RTN4R: variants seen among roughly 807,000 people sequenced by gnomAD.
RTN4R encodes reticulon-4 receptor.
In RTN4R, 4 loss-of-function variants were observed where a neutral mutation model predicts 27.7. The observed-to-expected ratio is 0.14, with a 90% CI of 0.07 to 0.33. RTN4R has a LOEUF of 0.33. RTN4R is among the 10% of genes least tolerant of loss of function. The pLI is 1.00. For missense variants in RTN4R, 554 were observed against 671.5 expected, an observed-to-expected ratio of 0.83 and a Z score of 1.93; for synonymous variants, 290 against 305.6, an observed-to-expected ratio of 0.95 and a Z score of 0.53.
At chr22:20,261,763 C>T (rs2051248827) in intron 1 of RTN4R, among the ~76,000 whole-genome samples, 1 of 152,220 alleles carries the variant, frequency 6.6e-6, no homozygotes, top group East Asian at 1.9e-4. Flanking sequence ...TGGCTTTCTG[C>T]ATCCTCAAGC....
chr22:20,242,537 C>T lies in RTN4R; in HGVS notation c.596G>A (p.Arg199His), dbSNP rs1172868287. ...RISSVPERAF[R>H]GLHSLDRLLL... is the part of the protein sequence containing the mutation. ...GAGACGGTCGAGGCTGTGCAGCCCA[C>T]GGAAGGCGCGCTCGGGCACGCTGGA... is the stretch of plus-strand genomic sequence containing the variant. Residue 199 changes from arginine to histidine, a missense_variant, in exon 2 of 2, where the codon CGT becomes CAT. Physicochemically the swap from Arg to His is conservative, Grantham distance 29. Transcript: ENST00000043402. 2.4e-5 allele frequency: 39 copies of T among 1,613,454 alleles called. No homozygotes were observed. Among genetic ancestry groups the T allele is most frequent in the Admixed American group, 6.7e-5 (4 of 60,010 alleles).
chr22:20,254,060 G>C (rs1053783795), intron 1 of RTN4R, among the ~76,000 whole-genome samples: 3 of 152,070 alleles, frequency 2.0e-5, no homozygotes, highest in African/African-American at 7.2e-5. Flanking sequence ...CCTCCACTGG[G>C]CATTCACAGT....
intron 1 of RTN4R, chr22:20,243,438 G>A (rs2051121660): frequency 1.7e-6 from 1 of 604,690 alleles, no homozygotes; most frequent in Non-Finnish European, 3.2e-6. Flanking sequence ...ACTGGTGACT[G>A]CAGGTACCTC....
In RTN4R at chr22:20,242,662, C is replaced by T; in HGVS notation, c.471G>A (p.Gln157=). The change falls in exon 2 of 2, where the codon CAG becomes CAA. Residue 157 remains glutamine, a synonymous_variant. Coordinates refer to ENST00000043402, the MANE Select transcript of RTN4R (RefSeq NM_023004.6). ...PGLFRGLAAL[Q]YLYLQDNALQ... is the part of the protein sequence containing the mutation. ...GCGCGTTGTCCTGCAGGTAGAGGTA[C>T]TGCAGGGCAGCCAGGCCGCGGAACA... is the stretch of plus-strand genomic sequence containing the variant. The T allele has an allele frequency of 1.2e-6, 2 of 1,612,548 alleles. No homozygotes were observed. The highest frequency in any genetic ancestry group is 1.1e-5 in the South Asian group (1 of 91,050).
rs1485520368 is a variant in RTN4R, at chr22:20,255,716, C to T, written c.22+12355G>A. 6.6e-6 allele frequency among the ~76,000 whole-genome samples: 1 copy of T among 152,108 alleles called. No homozygotes were observed. Among genetic ancestry groups the T allele is most frequent in the African/African-American group, 2.4e-5 (1 of 41,432 alleles). On this transcript the variant is annotated intron_variant, in intron 1 of 1. Transcript: ENST00000043402. The surrounding 1 kb of genome is among the most constrained non-coding windows in gnomAD (Gnocchi z 4.8). ...TTACCCCTGCCCGCTCCTGTCCCCT[C>T]CTTGTCACAGATCTGAGCCCCCCAC...
chr22:20,248,320 G>A (rs746845776), intron 1 of RTN4R, among the ~76,000 whole-genome samples: 3 of 152,112 alleles, frequency 2.0e-5, no homozygotes, highest in Non-Finnish European at 1.5e-5. Flanking sequence ...CCAGGGGTGC[G>A]AAAAGGTCTT....
chr22:20,245,786 C>T (rs973998702), intron 1 of RTN4R, among the ~76,000 whole-genome samples: 9 of 152,196 alleles, frequency 5.9e-5, no homozygotes, highest in Non-Finnish European at 1.0e-4. Context: ...CCACTCTCAC[C>T]CAGTCTCACC....
chr22:20,260,635 C>CG (rs1006850555), intron 1 of RTN4R, among the ~76,000 whole-genome samples: 10 of 152,168 alleles, frequency 6.6e-5, no homozygotes, highest in African/African-American at 2.2e-4. Context: ...GGGCCACGCC[C>CG]GGGGGCAGGT....
intron 1 of RTN4R, among the ~76,000 whole-genome samples, chr22:20,247,495 C>T (rs2051148753): frequency 7.1e-6 from 1 of 140,062 alleles, no homozygotes; most frequent in African/African-American, 2.6e-5. Flanking sequence ...CCATCTGTCC[C>T]CCGATCCTCG....
chr22:20,251,471 T>G (rs1372612402), intron 1 of RTN4R, among the ~76,000 whole-genome samples: 1 of 150,632 alleles, frequency 6.6e-6, no homozygotes, highest in Non-Finnish European at 1.5e-5. Context: ...GCATTTTCTG[T>G]CCTTGTTATC....
At chr22:20,251,896 A>ATCC (rs1425413662) in intron 1 of RTN4R, among the ~76,000 whole-genome samples, 41 of 232 alleles carry the variant, frequency 0.18, 2 homozygotes, top group Non-Finnish European at 0.22. Context: ...TATCACCACC[A>ATCC]TCATCATCAC....
chr22:20,259,101 C>T (rs771945944), intron 1 of RTN4R, among the ~76,000 whole-genome samples: 27 of 152,018 alleles, frequency 1.8e-4, no homozygotes, highest in African/African-American at 3.4e-4. Context: ...GTGGGCAGCT[C>T]GGGGTTGGGG....
At chr22:20,264,679 C>T (rs557444912) in intron 1 of RTN4R, among the ~76,000 whole-genome samples, 179 of 152,312 alleles carry the variant, frequency 1.2e-3, no homozygotes, top group African/African-American at 4.0e-3. Flanking sequence ...GCAGCCAGAC[C>T]GCAGAGCAGG....
chr22:20,247,888 C>G (rs895624259), intron 1 of RTN4R, among the ~76,000 whole-genome samples: 1 of 152,218 alleles, frequency 6.6e-6, no homozygotes, highest in Non-Finnish European at 1.5e-5. Flanking sequence ...GTGGGCAGAG[C>G]CTTCAGGACT....
chr22:20,245,919 T>G (rs2051138198), intron 1 of RTN4R, among the ~76,000 whole-genome samples: 1 of 152,170 alleles, frequency 6.6e-6, no homozygotes, highest in African/African-American at 2.4e-5. Context: ...ATAGCGTGCC[T>G]GTCCACCGTC....
rs1602641925 is a variant in RTN4R at position 20,249,294 on chromosome 22, C to G, written c.23-6184G>C. On this transcript the variant is annotated intron_variant, in intron 1 of 1. Transcript: ENST00000043402. The stretch of plus-strand genomic sequence containing the variant: ...CAGGTCTGGGCCCAGCACTGCCATA[C>G]ACCTGCCTCCCATGCCCATCTGCCT... The G allele has an allele frequency of 2.4e-5, 12 of 497,216 alleles. No homozygotes were observed. In the Admixed American group the frequency reaches 2.5e-4, roughly 10 times the overall value. 30.8% of individuals were successfully genotyped at this position (497,216 alleles called of 1,614,324 possible).
intron 1 of RTN4R, among the ~76,000 whole-genome samples, chr22:20,263,870 G>A (rs577898373): frequency 2.8e-4 from 43 of 152,376 alleles, no homozygotes; most frequent in Admixed American, 7.2e-4. Context: ...CTGCTGCCCC[G>A]CAGAAGAGGC....
In RTN4R at chr22:20,241,792, T is replaced by G; in HGVS notation, c.1341A>C (p.Ser447=). 6.4e-7 allele frequency: 1 copy of G among 1,563,792 alleles called. No homozygotes were observed. The highest frequency in any genetic ancestry group is 8.7e-7 in the Non-Finnish European group (1 of 1,154,720). ...GGGGTGDSEG[S]GALPSLTCSL... Reference sequence around the variant, plus strand: ...TGCAGGTGAGGCTGGGTAGGGCACCTGAGCCTTCTGAGTCACCAGTCCCGC... The same window carrying G: ...TGCAGGTGAGGCTGGGTAGGGCACCGGAGCCTTCTGAGTCACCAGTCCCGC... Residue 447 remains serine (S), a synonymous_variant, in exon 2 of 2, where the codon TCA becomes TCC. Transcript: ENST00000043402.
intron 1 of RTN4R, among the ~76,000 whole-genome samples, chr22:20,254,804 C>T (rs574537692): frequency 1.3e-5 from 2 of 152,072 alleles, no homozygotes; most frequent in East Asian, 3.9e-4. Flanking sequence ...AAAATGAGAC[C>T]CCAATAGAAG....
Sources: gnomAD v4.1 joint callset for allele counts (sites outside exome capture counted in the v4.1 genomes callset) on GRCh38, gnomAD v4.1.1 for gene constraint, Gnocchi (gnomAD v3.1) non-coding constraint, MANE v1.5 for transcripts, NCBI Gene and HGNC (gene_info 2026-07-23, HGNC 2026-07-21) for gene names.